The following CREBRF variants were observed in gnomAD, a reference collection of about 807,000 sequenced individuals.
CREBRF encodes the protein UPF0474 protein C5orf41.
In CREBRF, 5 loss-of-function variants were observed where a neutral mutation model predicts 66.1. The ratio of observed to expected loss-of-function variants is 0.08; its 90% CI spans 0.04 to 0.16. The LOEUF (loss-of-function observed/expected upper bound fraction) is 0.16. Ranked by LOEUF, CREBRF falls within the 10% of genes least tolerant of loss-of-function variation. The pLI is 1.00. For synonymous variants in CREBRF, 229 were observed against 264.4 expected (o/e 0.87, Z 1.30); for missense variants, 531 against 744.9 (o/e 0.71, Z 3.34).
chr5:173,099,950 G>T (rs1758574750), intron 4 of CREBRF, among the ~76,000 whole-genome samples: 1 of 145,928 alleles, frequency 6.9e-6, no homozygotes, highest in African/African-American at 2.6e-5. Flanking sequence ...GAGTGCAGTG[G>T]CACAGTCTTG....
At chr5:173,118,212 G>A (rs1421062043) in intron 7 of CREBRF, among the ~76,000 whole-genome samples, 1 of 151,948 alleles carries the variant, frequency 6.6e-6, no homozygotes, top group Non-Finnish European at 1.5e-5. Flanking sequence ...GTTATGCCAT[G>A]TTGGCCAGGC....
intron 2 of CREBRF, chr5:173,085,339 A>G: frequency 8.2e-7 from 1 of 1,220,770 alleles, no homozygotes; most frequent in Non-Finnish European, 1.2e-6. Context: ...AGATGTTCAT[A>G]GCAGCACACA....
chr5:173,058,037 CTTT>C (rs562447555), intron 1 of CREBRF, among the ~76,000 whole-genome samples: 2 of 143,066 alleles, frequency 1.4e-5, no homozygotes, highest in South Asian at 2.2e-4. Flanking sequence ...CCTGGAATTT[CTTT>C]TTTTTTTTTT....
Position 173,084,640 on chromosome 5 carries a change from A to C in CREBRF, c.10-1861A>C, listed in dbSNP as rs138450862. Among the ~76,000 whole-genome samples, 158 of 151,948 alleles carry C rather than the reference A, an allele frequency of 1.0e-3. No homozygotes were observed. The East Asian group carries it at 0.027, about 26-fold the overall frequency. ...GCAAAAATGATTTTTTTTCTTTTTT[A>C]TTTTTATTTATGTATTTTTGAGACA... On this transcript the variant is annotated intron_variant, in intron 2 of 8. Coordinates refer to ENST00000296953, the MANE Select transcript of CREBRF (RefSeq NM_153607.3).
At chr5:173,071,263 G>GCA (rs1233863192) in intron 1 of CREBRF, among the ~76,000 whole-genome samples, 3 of 152,152 alleles carry the variant, frequency 2.0e-5, no homozygotes, top group Non-Finnish European at 4.4e-5. Flanking sequence ...CCAAGCTGGA[G>GCA]TGCAGCGCCA....
chr5:173,128,062 A>T (rs1222475367), intron 8 of CREBRF, among the ~76,000 whole-genome samples: 2 of 151,928 alleles, frequency 1.3e-5, no homozygotes, highest in African/African-American at 2.4e-5. Flanking sequence ...TAGATGCTTA[A>T]TTTTTTTCTT....
At position 173,108,807 on chromosome 5, in the gene CREBRF, G is replaced by T. The variant is rs1420328511; in HGVS notation, c.1406G>T (p.Gly469Val). 3 of 1,611,392 alleles carry T rather than the reference G, an allele frequency of 1.9e-6. No homozygotes were observed. Among genetic ancestry groups the T allele is most frequent in the Non-Finnish European group, 2.5e-6 (3 of 1,179,244 alleles). ...CCAAGTAATATGTATCAGAAAAATG[G>T]CTTACATCATGGTAAGAGGGGATTG... ...TLPSNMYQKN[G>V]LHHGKYAVKK... Residue 469 changes from glycine (G) to valine (V), a missense_variant, in exon 5 of 9, where the codon GGC (glycine) becomes GTC (valine). Physicochemically the swap from Gly to Val is moderately radical, Grantham distance 109 (BLOSUM62 -3). This residue lies in a region of CREBRF where 309 missense variants were observed against 341.4 expected (regional missense o/e 0.90). Transcript: ENST00000296953.
At chr5:173,099,904 T>C (rs1758571884) in intron 4 of CREBRF, among the ~76,000 whole-genome samples, 1 of 149,162 alleles carries the variant, frequency 6.7e-6, no homozygotes, top group Non-Finnish European at 1.5e-5. Flanking sequence ...TTTTTTTTTT[T>C]TTTTGAGACA....
At chr5:173,092,260 T>A (rs1453810224) in intron 4 of CREBRF, 1 of 979,346 alleles carries the variant, frequency 1.0e-6, no homozygotes, top group Non-Finnish European at 1.2e-6. Flanking sequence ...TCTTTGTGTC[T>A]GCTAACATTT....
intron 2 of CREBRF, among the ~76,000 whole-genome samples, chr5:173,084,631 TTC>T (rs1280067220): frequency 1.3e-5 from 2 of 152,166 alleles, no homozygotes; most frequent in Non-Finnish European, 2.9e-5. Flanking sequence ...ATGATTTTTT[TTC>T]TTTTTTATTT....
intron 1 of CREBRF, among the ~76,000 whole-genome samples, chr5:173,059,135 C>T (rs929383249): frequency 9.2e-5 from 14 of 151,688 alleles, no homozygotes; most frequent in African/African-American, 3.1e-4. Context: ...GCATGACTGA[C>T]TCAGTTCTGT....
At chr5:173,063,820 C>T (rs1757353368) in intron 1 of CREBRF, among the ~76,000 whole-genome samples, 1 of 151,792 alleles carries the variant, frequency 6.6e-6, no homozygotes, top group Non-Finnish European at 1.5e-5. Flanking sequence ...ATCCTGGGTT[C>T]AAGCAATTCT....
In CREBRF at chr5:173,086,488, C is replaced by G. The variant is rs1270212151; in HGVS notation, c.10-13C>G. On this transcript the variant is annotated splice_polypyrimidine_tract_variant and intron_variant, in intron 2 of 8. Transcript: ENST00000296953. Reference sequence around the variant, plus strand: ...GTCTTTAACTTTCTAAAATAAAAATCACTCTGTTGTAGCCTAGTGTAAGCG... The same window carrying G: ...GTCTTTAACTTTCTAAAATAAAAATGACTCTGTTGTAGCCTAGTGTAAGCG... 1 of 1,609,466 alleles carries G rather than the reference C, an allele frequency of 6.2e-7. No individual in the cohort carries two copies. Among genetic ancestry groups the G allele is most frequent in the Admixed American group, 1.7e-5 (1 of 58,700 alleles).
chr5:173,067,618 T>G (rs1431010177), intron 1 of CREBRF, among the ~76,000 whole-genome samples: 1 of 152,222 alleles, frequency 6.6e-6, no homozygotes, highest in Non-Finnish European at 1.5e-5. Flanking sequence ...TAAAAAACAC[T>G]AATGCAACTG....
At chr5:173,103,178 GT>G (rs1348359718) in intron 4 of CREBRF, among the ~76,000 whole-genome samples, 1 of 152,170 alleles carries the variant, frequency 6.6e-6, no homozygotes, top group Non-Finnish European at 1.5e-5. Flanking sequence ...GCAGGGTCAA[GT>G]TCTCTTCTTG....
chr5:173,108,919 A>G (rs911223255), intron 5 of CREBRF, 101 bp downstream of exon 5: 95 of 1,005,654 alleles, frequency 9.4e-5, no homozygotes, highest in Non-Finnish European at 1.3e-4. Context: ...AGCCCTTCCT[A>G]GCAAACTGGA....
intron 1 of CREBRF, among the ~76,000 whole-genome samples, chr5:173,066,434 C>G (rs1436916197): frequency 1.3e-5 from 2 of 152,044 alleles, no homozygotes; most frequent in Non-Finnish European, 2.9e-5. Context: ...TCCAAACTTT[C>G]CCAGGTAGTA....
chr5:173,123,520 A>C (rs1459853737), intron 8 of CREBRF: 1 of 253,912 alleles, frequency 3.9e-6, no homozygotes, highest in Non-Finnish European at 7.5e-6. Flanking sequence ...TTTAGTGTAG[A>C]GATTCTTACT....
intron 1 of CREBRF, among the ~76,000 whole-genome samples, chr5:173,065,695 G>T: frequency 7.3e-6 from 1 of 136,668 alleles, no homozygotes. Flanking sequence ...AAGACAGGAT[G>T]GTGCAGTGGC....
Sources: allele counts gnomAD v4.1 joint callset (sites outside exome capture counted in the v4.1 genomes callset), GRCh38; gene constraint gnomAD v4.1.1; regional missense constraint gnomAD v4.1.1; transcripts MANE v1.5; gene names NCBI Gene and HGNC (gene_info 2026-07-23, HGNC 2026-07-21).